The following RGS7 variants were observed in gnomAD, a reference collection of about 807,000 sequenced individuals.
RGS7 encodes regulator of G-protein signaling 7.
Under a neutral mutation model 81.1 loss-of-function variants are expected in RGS7, and 27 were observed. The observed-to-expected ratio is 0.33, with a 90% confidence interval of 0.25 to 0.46. The LOEUF (loss-of-function observed/expected upper bound fraction) is 0.46. Ranked by LOEUF, RGS7 falls within the 20% of genes least tolerant of loss-of-function variation. The pLI is 1.00. For missense variants in RGS7, 396 were observed against 607.4 expected, an observed-to-expected ratio of 0.65 and a Z score of 3.66; for synonymous variants, 208 against 207.7, an observed-to-expected ratio of 1.00 and a Z score of -0.01.
intron 14 of RGS7, among the ~76,000 whole-genome samples, chr1:240,809,507 C>G (rs1689472673): frequency 6.6e-6 from 1 of 152,166 alleles, no homozygotes; most frequent in Non-Finnish European, 1.5e-5. Flanking sequence ...ATTTGGGGAG[C>G]AGTGGACAGT....
chr1:241,137,737 T>G (rs1008244818), intron 2 of RGS7, among the ~76,000 whole-genome samples: 1 of 152,060 alleles, frequency 6.6e-6, no homozygotes, highest in African/African-American at 2.4e-5. Flanking sequence ...ATGGCAGGAG[T>G]ATCTATACCA....
chr1:241,314,974 T>A (rs769567988), intron 2 of RGS7, among the ~76,000 whole-genome samples: 2 of 152,038 alleles, frequency 1.3e-5, no homozygotes, highest in Non-Finnish European at 2.9e-5. Context: ...AGTCAAGATA[T>A]ATTTTAAAGT....
At chr1:241,054,355 T>G (rs2061385856) in intron 3 of RGS7, among the ~76,000 whole-genome samples, 2 of 152,152 alleles carry the variant, frequency 1.3e-5, no homozygotes, top group Admixed American at 1.3e-4. Context: ...CCTGCGTACC[T>G]CCTTCCTCCT....
intron 6 of RGS7, among the ~76,000 whole-genome samples, chr1:240,916,571 G>A (rs1672657556): frequency 6.6e-6 from 1 of 152,126 alleles, no homozygotes; most frequent in Non-Finnish European, 1.5e-5. Flanking sequence ...AGCCATTAAA[G>A]AGGTAATGAA....
chr1:240,967,087 C>T (rs1470387462), intron 4 of RGS7, among the ~76,000 whole-genome samples: 3 of 152,154 alleles, frequency 2.0e-5, no homozygotes, highest in African/African-American at 4.8e-5. Flanking sequence ...CAGTGTGGGA[C>T]AGCCCATGCC....
chr1:241,116,998 A>C (rs1274605309), intron 2 of RGS7, among the ~76,000 whole-genome samples: 1 of 152,124 alleles, frequency 6.6e-6, no homozygotes, highest in African/African-American at 2.4e-5. Context: ...TGAGAATTAA[A>C]CCGATAGATG....
At chr1:241,345,283 G>A (rs2082817273) in intron 2 of RGS7, among the ~76,000 whole-genome samples, 1 of 152,100 alleles carries the variant, frequency 6.6e-6, no homozygotes, top group African/African-American at 2.4e-5. Context: ...TAACTATTGG[G>A]TTATAACTAT....
chr1:241,038,208 G>A (rs781563971), intron 3 of RGS7, among the ~76,000 whole-genome samples: 1 of 152,204 alleles, frequency 6.6e-6, no homozygotes, highest in Non-Finnish European at 1.5e-5. Context: ...AAATAAAGAT[G>A]TTCTTAGGAA....
At chr1:240,885,741 T>C (rs544610611) in intron 6 of RGS7, among the ~76,000 whole-genome samples, 37 of 152,242 alleles carry the variant, frequency 2.4e-4, no homozygotes, top group Admixed American at 4.6e-4. Flanking sequence ...CACTGGGATC[T>C]ACTTGAGAGT....
At chr1:241,267,824 T>C (rs1553304460) in intron 2 of RGS7, among the ~76,000 whole-genome samples, 1 of 152,238 alleles carries the variant, frequency 6.6e-6, no homozygotes, top group Non-Finnish European at 1.5e-5. Context: ...TTCCGTTATC[T>C]CTCCAAGGAT....
intron 2 of RGS7, among the ~76,000 whole-genome samples, chr1:241,183,551 T>TACATACAC (rs2103324881): frequency 6.6e-6 from 1 of 152,326 alleles, no homozygotes; most frequent in East Asian, 1.9e-4. Flanking sequence ...GAAGTCTATC[T>TACATACAC]ACATACACAT....
At chr1:241,302,178 C>CT (rs2079802193) in intron 2 of RGS7, among the ~76,000 whole-genome samples, 1 of 152,192 alleles carries the variant, frequency 6.6e-6, no homozygotes, top group Non-Finnish European at 1.5e-5. Flanking sequence ...GAGAGCAGGC[C>CT]TAGCACATTG....
intron 2 of RGS7, among the ~76,000 whole-genome samples, chr1:241,120,871 A>T (rs1014658389): frequency 1.3e-5 from 2 of 152,106 alleles, no homozygotes; most frequent in Non-Finnish European, 2.9e-5. Context: ...GAGGGTTTAG[A>T]GTGGAGGTGC....
chr1:241,312,879 G>A (rs1466630839), intron 2 of RGS7, among the ~76,000 whole-genome samples: 1 of 152,080 alleles, frequency 6.6e-6, no homozygotes, highest in Non-Finnish European at 1.5e-5. Context: ...CAAAGGAAAA[G>A]TTATTGAAGA....
intron 2 of RGS7, among the ~76,000 whole-genome samples, chr1:241,155,968 G>A (rs7543441): frequency 0.5 from 75,548 of 151,762 alleles, 20,388 homozygotes; most frequent in African/African-American, 0.71. Flanking sequence ...AACTACCACA[G>A]GGATTATGAT....
chr1:240,997,031 C>T (rs1323681190), intron 3 of RGS7, among the ~76,000 whole-genome samples: 2 of 152,174 alleles, frequency 1.3e-5, no homozygotes, highest in East Asian at 3.8e-4. Flanking sequence ...TTCACTGCAG[C>T]CTCAGCCTCC....
At chr1:241,282,474 T>C (rs1272289332) in intron 2 of RGS7, among the ~76,000 whole-genome samples, 1 of 152,370 alleles carries the variant, frequency 6.6e-6, no homozygotes, top group African/African-American at 2.4e-5. Context: ...AGAGTTTTTA[T>C]GTATATTTCT....
intron 2 of RGS7, among the ~76,000 whole-genome samples, chr1:241,195,476 AAAAT>A (rs59191728): frequency 6.6e-6 from 1 of 152,022 alleles, no homozygotes; most frequent in Non-Finnish European, 1.5e-5. Flanking sequence ...GACTCCATCT[AAAAT>A]AAATAAATAA....
chr1:241,212,038 GATT>G (rs1353859471), intron 2 of RGS7, among the ~76,000 whole-genome samples: 5 of 151,324 alleles, frequency 3.3e-5, no homozygotes, highest in African/African-American at 4.9e-5. Flanking sequence ...TATTATTAAT[GATT>G]ATTATTCAAT....
Sources: allele counts gnomAD v4.1 joint callset (sites outside exome capture counted in the v4.1 genomes callset), GRCh38; gene constraint gnomAD v4.1.1; transcripts MANE v1.5; gene names NCBI Gene and HGNC (gene_info 2026-07-23, HGNC 2026-07-21).